Variants in YPEL1 observed in about 807,000 individuals in gnomAD.
The protein encoded by YPEL1 is protein yippee-like 1.
YPEL1 carries 7 observed loss-of-function variants against 17.3 expected under a neutral mutation model. That is an observed-to-expected ratio of 0.40 (90% CI 0.23 to 0.76). The LOEUF is 0.76. YPEL1 is among the 30% of genes least tolerant of loss of function. The probability of loss-of-function intolerance (pLI) is 0.35; values close to 1 mark genes in which losing one functional copy is unlikely to be tolerated. For synonymous variants in YPEL1, 59 were observed against 59.6 expected (o/e 0.99, Z 0.05); for missense variants, 91 against 155.5 (o/e 0.59, Z 2.21).
intron 1 of YPEL1, among the ~76,000 whole-genome samples, chr22:21,715,443 G>A (rs1051952291): frequency 2.6e-5 from 4 of 151,668 alleles, no homozygotes; most frequent in Admixed American, 6.6e-5. Context: ...GCAGTGAGCC[G>A]AGATTGCACC....
chr22:21,698,939 T>C lies in YPEL1; in HGVS notation c.*2190A>G, dbSNP rs1238959269. The C allele has an allele frequency of 6.6e-6, 1 of 152,430 alleles. No homozygotes were observed. Among genetic ancestry groups the C allele is most frequent in the African/African-American group, 2.4e-5 (1 of 41,466 alleles). 9.4% of individuals were successfully genotyped at this position (152,430 alleles called of 1,614,324 possible). A position where few individuals can be genotyped will look rare whatever the true frequency, so the allele number is the denominator to read the frequency against. On this transcript the variant is annotated 3_prime_UTR_variant, in exon 5 of 5. Transcript: ENST00000339468. ...GGAGGCTTCCAAGACAGTACAAAGA[T>C]TTCCTTCCTTTCCTAAGTGGAAGAT... is the stretch of plus-strand genomic sequence containing the variant.
At chr22:21,705,358 C>T (rs115757277) in intron 2 of YPEL1, among the ~76,000 whole-genome samples, 304 of 152,226 alleles carry the variant, frequency 2.0e-3, no homozygotes, top group African/African-American at 7.1e-3. Flanking sequence ...CAATACCACT[C>T]CCACAAAGGA....
intron 1 of YPEL1, among the ~76,000 whole-genome samples, chr22:21,718,930 C>G (rs2068254050): frequency 6.6e-6 from 1 of 152,182 alleles, no homozygotes; most frequent in African/African-American, 2.4e-5. Flanking sequence ...TTCTTACTAG[C>G]TGCTATTAAG....
intron 1 of YPEL1, among the ~76,000 whole-genome samples, chr22:21,730,250 G>A (rs2068374741): frequency 6.6e-6 from 1 of 152,052 alleles, no homozygotes; most frequent in Non-Finnish European, 1.5e-5. Flanking sequence ...GGCTTCCAGA[G>A]TCTCGCTCTG....
intron 1 of YPEL1, among the ~76,000 whole-genome samples, chr22:21,716,491 A>G (rs908211807): frequency 7.2e-5 from 11 of 152,248 alleles, no homozygotes; most frequent in African/African-American, 2.7e-4. Context: ...TCCGATGAGA[A>G]CTCTAAGGCT....
intron 1 of YPEL1, among the ~76,000 whole-genome samples, chr22:21,718,956 C>CAT (rs376984770): frequency 0.18 from 27,509 of 152,118 alleles, 2,916 homozygotes; most frequent in Middle Eastern, 0.27. Context: ...TTGTGCCAAT[C>CAT]CTGAAATTTT....
chr22:21,718,469 A>T (rs532637249), intron 1 of YPEL1, among the ~76,000 whole-genome samples: 3 of 151,782 alleles, frequency 2.0e-5, no homozygotes, highest in Non-Finnish European at 4.4e-5. Context: ...CATCAAAAAA[A>T]AATAATAATA....
intron 1 of YPEL1, chr22:21,722,792 A>C (rs765965359): frequency 2.0e-5 from 3 of 152,104 alleles, no homozygotes; most frequent in Admixed American, 6.6e-5. Context: ...GTCCTTCCAC[A>C]AAGGACACCT....
chr22:21,719,939 G>A (rs1370450949), intron 1 of YPEL1, among the ~76,000 whole-genome samples: 5 of 151,674 alleles, frequency 3.3e-5, no homozygotes, highest in African/African-American at 1.2e-4. Context: ...TTGAACCTGG[G>A]GGGCGGAGGT....
At chr22:21,732,380 T>G (rs1192497843) in intron 1 of YPEL1, among the ~76,000 whole-genome samples, 1 of 152,248 alleles carries the variant, frequency 6.6e-6, no homozygotes, top group African/African-American at 2.4e-5. Flanking sequence ...TTCATTTAAC[T>G]CTAATGAAAA....
intron 1 of YPEL1, among the ~76,000 whole-genome samples, chr22:21,715,586 T>A (rs576533764): frequency 7.6e-5 from 7 of 92,040 alleles, no homozygotes; most frequent in African/African-American, 1.5e-4. Flanking sequence ...GTAGATTTTT[T>A]ATTTTTTTTA....
At chr22:21,711,122 C>A (rs1238398974) in intron 1 of YPEL1, among the ~76,000 whole-genome samples, 1 of 151,542 alleles carries the variant, frequency 6.6e-6, no homozygotes, top group Non-Finnish European at 1.5e-5. Context: ...CTCCTGGGTT[C>A]AAGCGATTCT....
In YPEL1 at chr22:21,703,097, G is replaced by A. The variant is rs2148595003; in HGVS notation, c.270+273C>T. 1.3e-5 allele frequency among the ~76,000 whole-genome samples: 2 copies of A among 152,172 alleles called. No individual in the cohort carries two copies. ...TGCTCAGCGGGCCGAGGGCGGGCTGGGTGCAGAGAGCCTGGCTTAGGAAGA... is the reference window on the plus strand; with the variant it reads ...TGCTCAGCGGGCCGAGGGCGGGCTGAGTGCAGAGAGCCTGGCTTAGGAAGA... On this transcript the variant is annotated intron_variant, in intron 4 of 4. Transcript: ENST00000339468. The surrounding 1 kb of genome is among the most constrained non-coding windows in gnomAD (Gnocchi z 6.1).
At chr22:21,730,502 C>A (rs986154320) in intron 1 of YPEL1, among the ~76,000 whole-genome samples, 1 of 152,204 alleles carries the variant, frequency 6.6e-6, no homozygotes, top group Admixed American at 6.5e-5. Flanking sequence ...GGATTACAGG[C>A]GTGAGCTACA....
chr22:21,710,869 T>C lies in YPEL1; in HGVS notation c.-125A>G, dbSNP rs902458905. 5.4e-5 allele frequency: 45 copies of C among 834,348 alleles called. No individual in the cohort carries two copies. Among genetic ancestry groups the C allele is most frequent in the Admixed American group, 3.5e-4 (20 of 57,378 alleles). 51.7% of individuals were successfully genotyped at this position (834,348 alleles called of 1,614,324 possible). ...AGCCGTCGTTGTCCAGGAGGGCGTG[T>C]GGCACTGTCCACACAGCTGGGACGA... On this transcript the variant is annotated 5_prime_UTR_variant, in exon 2 of 5. Coordinates refer to ENST00000339468, the MANE Select transcript of YPEL1 (RefSeq NM_013313.5).
In YPEL1 at chr22:21,710,952, G is replaced by C. The variant is rs555810254; in HGVS notation, c.-164-44C>G. On this transcript the variant is annotated intron_variant, in intron 1 of 4. Coordinates refer to ENST00000339468, the MANE Select transcript of YPEL1 (RefSeq NM_013313.5). ...AAGTGGTGGGTTACAGAGAGAACATGCGTGTGAAGCAGGTACATATGGGAT... is the reference window on the plus strand; with the variant it reads ...AAGTGGTGGGTTACAGAGAGAACATCCGTGTGAAGCAGGTACATATGGGAT... 3 of 594,582 alleles carry C rather than the reference G, an allele frequency of 5.0e-6. No individual in the cohort carries two copies. The African/African-American group carries it at 5.5e-5, about 11-fold the overall frequency. 36.8% of individuals were successfully genotyped at this position (594,582 alleles called of 1,614,324 possible).
Position 21,701,105 on chromosome 22 carries a change from A to G in YPEL1, c.*24T>C, listed in dbSNP as rs1860. On this transcript the variant is annotated 3_prime_UTR_variant, in exon 5 of 5. Transcript: ENST00000339468. ...CAGTTTCTTTCACAAAACAGCATTC[A>G]AAGGAGAAGGGAAAGTTCGCACATT... 0.61 allele frequency: 974,169 copies of G among 1,595,410 alleles called. 299,170 individuals are homozygous for G. The highest frequency in any genetic ancestry group is 0.71 in the East Asian group (31,765 of 44,714).
intron 1 of YPEL1, among the ~76,000 whole-genome samples, chr22:21,722,357 A>G (rs776538752): frequency 4.3e-4 from 65 of 152,346 alleles, no homozygotes; most frequent in Non-Finnish European, 5.1e-4. Flanking sequence ...TGGAGGTTGC[A>G]GTAAGCCGAG....
At chr22:21,702,242 G>C (rs979098928) in intron 4 of YPEL1, among the ~76,000 whole-genome samples, 1 of 152,226 alleles carries the variant, frequency 6.6e-6, no homozygotes, top group African/African-American at 2.4e-5. Flanking sequence ...TGCAGCCATA[G>C]AGGGGAATGC....
Sources: gnomAD v4.1 joint callset for allele counts (sites outside exome capture counted in the v4.1 genomes callset) on GRCh38, gnomAD v4.1.1 for gene constraint, Gnocchi (gnomAD v3.1) non-coding constraint, MANE v1.5 for transcripts, NCBI Gene and HGNC (gene_info 2026-07-23, HGNC 2026-07-21) for gene names.